Variants in POLR2B observed in about 807,000 individuals in gnomAD.
The protein encoded by POLR2B is DNA-directed RNA polymerase II subunit RPB2.
Under a neutral mutation model 144.6 loss-of-function variants are expected in POLR2B, and 57 were observed. The observed-to-expected ratio is 0.39, with a 90% CI of 0.32 to 0.49. The LOEUF (loss-of-function observed/expected upper bound fraction) is 0.49. Among genes scored for constraint, POLR2B ranks in the 20% least tolerant of loss-of-function variants. POLR2B has a pLI of 0.83. For missense variants in POLR2B, 595 were observed against 1,467.4 expected (o/e 0.41, Z 9.71); for synonymous variants, 442 against 469.8 (o/e 0.94, Z 0.77).
intron 21 of POLR2B, 43 bp from the exon 22 acceptor site, chr4:57,024,843 C>A (rs758538861): frequency 8.1e-6 from 8 of 992,506 alleles, no homozygotes; most frequent in Non-Finnish European, 1.2e-5. Context: ...TAGGGGGAGA[C>A]AGACTGAAGC....
At position 57,007,388 on chromosome 4, in the gene POLR2B, C is replaced by T. The variant is rs559938225; in HGVS notation, c.1404+386C>T. Among the ~76,000 whole-genome samples the T allele has an allele frequency of 2.0e-5, 3 of 151,268 alleles. No homozygotes were observed. The East Asian group carries it at 5.8e-4, about 29-fold the overall frequency. On this transcript the variant is annotated intron_variant, in intron 10 of 24. Coordinates refer to ENST00000314595, the MANE Select transcript of POLR2B (RefSeq NM_000938.3). The stretch of plus-strand genomic sequence containing the variant: ...TGAGATCATGCCACTGCACTCCAGC[C>T]TGGGCAAAAAGAGTGAGACTCCGTC...
chr4:56,994,856 G>A lies in POLR2B; in HGVS notation c.566G>A (p.Gly189Glu). The change falls in exon 5 of 25, where the codon GGA becomes GAA. Residue 189 changes from glycine to glutamate, a missense_variant. By Grantham distance (98) the Gly-to-Glu change is moderately conservative. Around this residue, in one of 9 missense-constraint regions of POLR2B, gnomAD observed 251 missense variants for 567.3 expected, o/e 0.44. Transcript: ENST00000314595. ...CCTGGTGGCTATTTCATTATTAATGGATCAGAAAAGGTATAGTAACATTAT... is the reference window on the plus strand; with the variant it reads ...CCTGGTGGCTATTTCATTATTAATGAATCAGAAAAGGTATAGTAACATTAT... ...LDPGGYFIIN[G>E]SEKVLIAQEK... The A allele has an allele frequency of 6.4e-7, 1 of 1,560,404 alleles. No individual in the cohort carries two copies. The highest frequency in any genetic ancestry group is 8.8e-7 in the Non-Finnish European group (1 of 1,135,268).
At chr4:57,030,094 A>G in intron 23 of POLR2B, 110 bp from the exon 24 acceptor site, 1 of 847,812 alleles carries the variant, frequency 1.2e-6, no homozygotes, top group Non-Finnish European at 1.9e-6. Context: ...TATAAAAATT[A>G]GAGCCTAGTT....
chr4:57,003,411 CAG>C (rs1178096952), intron 7 of POLR2B, among the ~76,000 whole-genome samples: 5 of 151,500 alleles, frequency 3.3e-5, no homozygotes, highest in Admixed American at 3.3e-4. Context: ...GCCTGTGTGA[CAG>C]AGCAAGACTG....
chr4:56,997,242 G>A (rs1722717529), intron 6 of POLR2B, among the ~76,000 whole-genome samples: 1 of 151,882 alleles, frequency 6.6e-6, no homozygotes, highest in African/African-American at 2.4e-5. Context: ...TTACTAGTAT[G>A]GTGTGGTCCA....
At chr4:57,013,098 C>T (rs1481850088) in intron 13 of POLR2B, among the ~76,000 whole-genome samples, 2 of 152,154 alleles carry the variant, frequency 1.3e-5, no homozygotes, top group African/African-American at 4.8e-5. Flanking sequence ...GCCTCAGCCT[C>T]CCAAAGTGCT....
At chr4:56,979,287 G>A (rs1468054101) in intron 1 of POLR2B, among the ~76,000 whole-genome samples, 2 of 152,098 alleles carry the variant, frequency 1.3e-5, no homozygotes, top group African/African-American at 4.8e-5. Context: ...GTGCAGAATC[G>A]TAAGATAAAT....
At chr4:57,027,436 G>A (rs935903136) in intron 23 of POLR2B, among the ~76,000 whole-genome samples, 3 of 152,046 alleles carry the variant, frequency 2.0e-5, no homozygotes, top group African/African-American at 4.8e-5. Context: ...GCCTCAAGTA[G>A]CTGGGACTAC....
Position 57,017,470 on chromosome 4 carries a change from C to A in POLR2B, c.2155-90C>A. 9.0e-7 allele frequency: 1 copy of A among 1,108,732 alleles called. No individual in the cohort carries two copies. Among genetic ancestry groups the A allele is most frequent in the Non-Finnish European group, 1.3e-6 (1 of 779,080 alleles). The allele number at this position is 1,108,732 out of a possible 1,614,324, so 68.7% of individuals were successfully genotyped here. A position where few individuals can be genotyped will look rare whatever the true frequency, so the allele number is the denominator to read the frequency against. ...TTTTTGAAAAAAATCAGGAGTTTTA[C>A]CAATCATATTTCTTTTGATTTATTG... is the stretch of plus-strand genomic sequence containing the variant. On this transcript the variant is annotated intron_variant, in intron 15 of 24. Transcript: ENST00000314595. This position sits in a 1 kb window ranked among gnomAD's most constrained non-coding sequence, Gnocchi z 4.8.
At chr4:57,008,613 A>G (rs538857850) in intron 10 of POLR2B, among the ~76,000 whole-genome samples, 8 of 152,312 alleles carry the variant, frequency 5.3e-5, no homozygotes, top group African/African-American at 1.4e-4. Context: ...GTAGATGTAA[A>G]CAGATAATTA....
chr4:57,005,114 T>C (rs1386152719), intron 7 of POLR2B, 132 bp from the exon 8 acceptor site: 2 of 516,208 alleles, frequency 3.9e-6, no homozygotes, highest in Admixed American at 7.9e-5. Flanking sequence ...GATTCCTTGA[T>C]TTTCTAAAAA....
At chr4:57,007,966 A>G (rs1366850164) in intron 10 of POLR2B, among the ~76,000 whole-genome samples, 1 of 152,168 alleles carries the variant, frequency 6.6e-6, no homozygotes, top group Non-Finnish European at 1.5e-5. Flanking sequence ...GCTGTAAGAA[A>G]TTTTGAGGGG....
chr4:57,000,514 T>C (rs1462773172), intron 7 of POLR2B, among the ~76,000 whole-genome samples: 1 of 152,188 alleles, frequency 6.6e-6, no homozygotes, highest in Non-Finnish European at 1.5e-5. Context: ...TTGTCACATT[T>C]GCTTTATCAT....
At position 57,016,965 on chromosome 4, in the gene POLR2B, A is replaced by G. The variant is rs1038579015; in HGVS notation, c.1956-78A>G. On this transcript the variant is annotated intron_variant, in intron 14 of 24. Transcript: ENST00000314595. ...ATATTAAACTTATTTAAATATAAAT[A>G]TAGGAATACTTTTAAGTAGGAGGAA... The G allele has an allele frequency of 5.9e-6, 3 of 509,106 alleles. No homozygotes were observed. The African/African-American group carries it at 6.1e-5, about 10-fold the overall frequency. 31.5% of individuals were successfully genotyped at this position (509,106 alleles called of 1,614,324 possible).
chr4:57,017,557 T>C lies in POLR2B; in HGVS notation c.2155-3T>C, dbSNP rs1360606946. 1 of 1,586,186 alleles carries C rather than the reference T, an allele frequency of 6.3e-7. No individual in the cohort carries two copies. Among genetic ancestry groups the C allele is most frequent in the South Asian group, 1.2e-5 (1 of 86,080 alleles). ...TGTTTCTGCTTTTCATTTTTACGTTTAGTCCCCTAGAAACACATACCAGTC... is the reference window on the plus strand; with the variant it reads ...TGTTTCTGCTTTTCATTTTTACGTTCAGTCCCCTAGAAACACATACCAGTC... On this transcript the variant is annotated splice_region_variant and splice_polypyrimidine_tract_variant and intron_variant, in intron 15 of 24. Transcript: ENST00000314595. This position sits in a 1 kb window ranked among gnomAD's most constrained non-coding sequence, Gnocchi z 4.8.
intron 23 of POLR2B, among the ~76,000 whole-genome samples, chr4:57,026,779 A>G (rs1723735002): frequency 6.6e-6 from 1 of 151,848 alleles, no homozygotes; most frequent in Non-Finnish European, 1.5e-5. Flanking sequence ...AACAAAACAA[A>G]ACAAAAAACC....
intron 8 of POLR2B, 58 bp from the exon 9 acceptor site, chr4:57,005,538 CAAAA>C: frequency 6.7e-7 from 1 of 1,502,372 alleles, no homozygotes; most frequent in Non-Finnish European, 8.9e-7. Flanking sequence ...ACATATAAAT[CAAAA>C]AAAAGTCCAA....
intron 7 of POLR2B, among the ~76,000 whole-genome samples, chr4:57,004,986 T>C (rs771989491): frequency 7.2e-5 from 11 of 152,212 alleles, no homozygotes; most frequent in Non-Finnish European, 1.6e-4. Flanking sequence ...CTCCTGGCCA[T>C]GCACTACTCT....
At chr4:57,013,433 A>G (rs976520419) in intron 13 of POLR2B, among the ~76,000 whole-genome samples, 3 of 151,824 alleles carry the variant, frequency 2.0e-5, no homozygotes, top group East Asian at 1.9e-4. Context: ...AGATTAAAAA[A>G]TCTGGGCACT....
Sources: allele counts gnomAD v4.1 joint callset (sites outside exome capture counted in the v4.1 genomes callset), GRCh38; gene constraint gnomAD v4.1.1; regional missense constraint gnomAD v4.1.1; non-coding constraint Gnocchi (gnomAD v3.1); transcripts MANE v1.5; gene names NCBI Gene and HGNC (gene_info 2026-07-23, HGNC 2026-07-21).